The following BMPR2 variants were observed in gnomAD, a reference collection of about 807,000 sequenced individuals.
The protein encoded by BMPR2 is bone morphogenetic protein receptor type-2.
BMPR2 carries 29 observed loss-of-function variants against 100.8 expected under a neutral mutation model. The observed-to-expected ratio is 0.29, with a 90% CI of 0.21 to 0.39. The LOEUF is 0.39. BMPR2 is among the 10% of genes least tolerant of loss of function. The pLI, the probability that BMPR2 is intolerant of heterozygous loss-of-function variation, is 1.00. For synonymous variants in BMPR2, 382 were observed against 442.3 expected (o/e 0.86, Z 1.71); for missense variants, 1,011 against 1,274.5 (o/e 0.79, Z 3.15).
At position 202,387,674 on chromosome 2, in the gene BMPR2, T is replaced by TA. The variant is rs1055071314; in HGVS notation, c.76+10131dup. Among the ~76,000 whole-genome samples the TA allele has an allele frequency of 9.1e-4, 138 of 152,306 alleles. 1 individual carries two copies. Among genetic ancestry groups the TA allele is most frequent in the African/African-American group, 3.1e-3 (130 of 41,578 alleles). On this transcript the variant is annotated intron_variant, in intron 1 of 12. Coordinates refer to ENST00000374580, the MANE Select transcript of BMPR2 (RefSeq NM_001204.7). ...GTAGCATTCAAATGTCAGTGGATAA[T>TA]AAAAAAATTCATTGAAGATTCAAAG...
Position 202,467,691 on chromosome 2 carries a change from TAAGTA to T in BMPR2, c.418+9_418+13del, listed in dbSNP as rs1300890179. 3.7e-6 allele frequency: 6 copies of T among 1,606,404 alleles called. No homozygotes were observed. The Admixed American group carries it at 5.0e-5, about 13-fold the overall frequency. ...CACCTCCTGACACAACACCACTCAG[TAAGTA>T]AAGTAACCAACTTTTCTTTGTATTT... is the stretch of plus-strand genomic sequence containing the variant. On this transcript the variant is annotated splice_donor_5th_base_variant and intron_variant, in intron 3 of 12. Transcript: ENST00000374580.
At chr2:202,448,289 A>C (rs1008580459) in intron 1 of BMPR2, among the ~76,000 whole-genome samples, 2 of 150,702 alleles carry the variant, frequency 1.3e-5, no homozygotes, top group South Asian at 2.1e-4. Flanking sequence ...CTCTTCTACA[A>C]ATACAAAAAA....
intron 3 of BMPR2, among the ~76,000 whole-genome samples, chr2:202,489,378 C>CA (rs1692850590): frequency 1.3e-5 from 2 of 151,792 alleles, no homozygotes; most frequent in African/African-American, 4.8e-5. Flanking sequence ...AAAAGAAAAA[C>CA]AAAGTTAAGG....
At chr2:202,403,049 A>G (rs1210039888) in intron 1 of BMPR2, among the ~76,000 whole-genome samples, 2 of 151,570 alleles carry the variant, frequency 1.3e-5, no homozygotes, top group Non-Finnish European at 2.9e-5. Flanking sequence ...GCTGGTCTCA[A>G]ACTCCGGACC....
intron 3 of BMPR2, among the ~76,000 whole-genome samples, chr2:202,479,134 A>C (rs2105971939): frequency 6.6e-6 from 1 of 152,322 alleles, no homozygotes; most frequent in East Asian, 1.9e-4. Context: ...ATTAGGTTTT[A>C]AAAGACCATG....
chr2:202,394,213 A>G (rs773398914), intron 1 of BMPR2, among the ~76,000 whole-genome samples: 1 of 152,048 alleles, frequency 6.6e-6, no homozygotes, highest in East Asian at 1.9e-4. Flanking sequence ...TTAGATGGGC[A>G]TGGCGGCAGG....
chr2:202,450,527 A>T (rs564174675), intron 1 of BMPR2, among the ~76,000 whole-genome samples: 2 of 152,160 alleles, frequency 1.3e-5, no homozygotes, highest in South Asian at 4.1e-4. Context: ...CCCTGTCTCT[A>T]CTAAAAATAC....
chr2:202,475,032 CT>C (rs1015407890), intron 3 of BMPR2: 1 of 152,076 alleles, frequency 6.6e-6, no homozygotes, highest in Non-Finnish European at 1.5e-5. Flanking sequence ...TCTTTCCAGT[CT>C]TTTCTCTTTT....
intron 9 of BMPR2, among the ~76,000 whole-genome samples, chr2:202,533,144 TC>T (rs896862140): frequency 3.3e-5 from 5 of 152,184 alleles, no homozygotes; most frequent in African/African-American, 1.2e-4. Flanking sequence ...TCTTTTTTTT[TC>T]ATGCTCCCTT....
At chr2:202,422,146 A>T (rs564663181) in intron 1 of BMPR2, among the ~76,000 whole-genome samples, 5 of 152,214 alleles carry the variant, frequency 3.3e-5, no homozygotes, top group Admixed American at 2.0e-4. Context: ...TGACTTCGTG[A>T]TCTGCCCGCG....
At chr2:202,393,884 AGAGAGAGAGAGAGAG>A (rs1559024347) in intron 1 of BMPR2, among the ~76,000 whole-genome samples, 1 of 27,442 alleles carries the variant, frequency 3.6e-5, no homozygotes, top group African/African-American at 1.8e-4. Flanking sequence ...TGAGAGAGCG[AGAGAGAGAGAGAGAG>A]AGAGAGAGAG....
chr2:202,520,375 T>TC, intron 7 of BMPR2, 174 bp downstream of exon 7: 1 of 638,586 alleles, frequency 1.6e-6, no homozygotes. Context: ...GAAAGAGCTT[T>TC]CCCACGCAGC....
At chr2:202,445,644 T>C (rs1691834273) in intron 1 of BMPR2, among the ~76,000 whole-genome samples, 1 of 149,790 alleles carries the variant, frequency 6.7e-6, no homozygotes, top group Non-Finnish European at 1.5e-5. Context: ...GCATTTGTTA[T>C]TGCCTGTCTT....
chr2:202,387,329 A>T (rs1690449640), intron 1 of BMPR2, among the ~76,000 whole-genome samples: 1 of 152,224 alleles, frequency 6.6e-6, no homozygotes, highest in Non-Finnish European at 1.5e-5. Context: ...TAAGGGCCTT[A>T]CATATTTACT....
Position 202,556,532 on chromosome 2 carries a change from G to C in BMPR2, c.2866+1G>C. The C allele has an allele frequency of 6.2e-7, 1 of 1,611,454 alleles. No individual in the cohort carries two copies. The highest frequency in any genetic ancestry group is 8.5e-7 in the Non-Finnish European group (1 of 1,180,006). ...GTCCTGGATGGCAGCAGTATACAGAGTAAGTGGAGGGATCATATAATCTCT... is the reference window on the plus strand; with the variant it reads ...GTCCTGGATGGCAGCAGTATACAGACTAAGTGGAGGGATCATATAATCTCT... On this transcript the variant is annotated splice_donor_variant, in intron 12 of 12. Transcript: ENST00000374580. LOFTEE classifies it high-confidence loss of function.
chr2:202,416,853 T>C (rs1691139810), intron 1 of BMPR2, among the ~76,000 whole-genome samples: 1 of 151,804 alleles, frequency 6.6e-6, no homozygotes, highest in South Asian at 2.1e-4. Flanking sequence ...TTTTTTTTTT[T>C]TGAGACAGAG....
intron 10 of BMPR2, among the ~76,000 whole-genome samples, chr2:202,549,225 TATA>T (rs1688429917): frequency 6.6e-6 from 1 of 152,138 alleles, no homozygotes; most frequent in East Asian, 1.9e-4. Context: ...CATTATTAGT[TATA>T]ATATTATTAT....
Position 202,503,661 on chromosome 2 carries a change from A to T in BMPR2, c.419-10058A>T, listed in dbSNP as rs1455139734. On this transcript the variant is annotated intron_variant, in intron 3 of 12. Coordinates refer to ENST00000374580, the MANE Select transcript of BMPR2 (RefSeq NM_001204.7). This position sits in a 1 kb window ranked among gnomAD's most constrained non-coding sequence, Gnocchi z 4.0. Reference sequence around the variant, plus strand: ...CATGCCTGAGCCTCCCACCCCCTCCATGGGCCCCTGTGCGGCCCGAGCCTC... The same window carrying T: ...CATGCCTGAGCCTCCCACCCCCTCCTTGGGCCCCTGTGCGGCCCGAGCCTC... Among the ~76,000 whole-genome samples the T allele has an allele frequency of 1.3e-5, 2 of 152,078 alleles. No homozygotes were observed. Among genetic ancestry groups the T allele is most frequent in the Non-Finnish European group, 2.9e-5 (2 of 67,996 alleles).
intron 3 of BMPR2, chr2:202,474,972 T>TC (rs1162156467): frequency 6.6e-6 from 1 of 152,146 alleles, no homozygotes; most frequent in Non-Finnish European, 1.5e-5. Context: ...AAAAATAATC[T>TC]CCAATAGTCT....
Sources: gnomAD v4.1 joint callset for allele counts (sites outside exome capture counted in the v4.1 genomes callset) on GRCh38, gnomAD v4.1.1 for gene constraint, Gnocchi (gnomAD v3.1) non-coding constraint, MANE v1.5 for transcripts, NCBI Gene and HGNC (gene_info 2026-07-23, HGNC 2026-07-21) for gene names.